The following MALRD1 variants were observed in gnomAD, a reference collection of about 807,000 sequenced individuals.
MALRD1 encodes MAM and LDL-receptor class A domain-containing protein 1.
MALRD1 carries 247 observed loss-of-function variants against 242.1 expected under a neutral mutation model. That is an observed-to-expected ratio of 1.02 (90% CI 0.92 to 1.13). MALRD1 has a LOEUF of 1.13. Among genes scored for constraint, MALRD1 ranks in the 50% most tolerant of loss-of-function variants. The probability of loss-of-function intolerance (pLI) is 0.00; values close to 1 mark genes in which losing one functional copy is unlikely to be tolerated. For synonymous variants in MALRD1, 995 were observed against 866.6 expected, an observed-to-expected ratio of 1.15 and a Z score of -2.60; for missense variants, 2,989 against 2,533.1, an observed-to-expected ratio of 1.18 and a Z score of -3.86.
intron 27 of MALRD1, among the ~76,000 whole-genome samples, chr10:19,388,548 A>T (rs184065788): frequency 3.3e-5 from 5 of 152,286 alleles, no homozygotes; most frequent in Non-Finnish European, 5.9e-5. Flanking sequence ...GAGATGATAA[A>T]ATTTGACCTG....
At position 19,438,434 on chromosome 10, in the gene MALRD1, A is replaced by G. The variant is rs189529580; in HGVS notation, c.4846-11873A>G. Reference sequence around the variant, plus strand: ...ATGGATACACATGTAGATTGCTTCCATATTTTGCTATTGCAAATAATGTTG... The same window carrying G: ...ATGGATACACATGTAGATTGCTTCCGTATTTTGCTATTGCAAATAATGTTG... On this transcript the variant is annotated intron_variant, in intron 28 of 39. Coordinates refer to ENST00000454679, the MANE Select transcript of MALRD1 (RefSeq NM_001142308.3). 7.0e-4 allele frequency among the ~76,000 whole-genome samples: 106 copies of G among 152,312 alleles called. 1 individual carries two copies. In the Middle Eastern group the frequency reaches 0.02, roughly 29 times the overall value.
chr10:19,204,330 G>A lies in MALRD1; in HGVS notation c.2127G>A (p.Lys709=). The A allele has an allele frequency of 6.8e-7, 1 of 1,480,274 alleles. No individual in the cohort carries two copies. 91.7% of individuals were successfully genotyped at this position (1,480,274 alleles called of 1,614,324 possible). A position where few individuals can be genotyped will look rare whatever the true frequency, so the allele number is the denominator to read the frequency against. The change falls in exon 16 of 40, where the codon AAG becomes AAA. Residue 709 remains lysine, a synonymous_variant. Coordinates refer to ENST00000454679, the MANE Select transcript of MALRD1 (RefSeq NM_001142308.3). ...CAGGGCATTTTATGTTCATTCTGAA[G>A]AAAAGCAGCAGCTTGTGGCAAGTTG... ...ASQGHFMFIL[K]KSSSLWQVAK...
chr10:19,292,131 T>C (rs1043065163), intron 21 of MALRD1, among the ~76,000 whole-genome samples: 2 of 150,968 alleles, frequency 1.3e-5, no homozygotes, highest in African/African-American at 2.4e-5. Flanking sequence ...AAGGAACTAT[T>C]ATAATTGTAA....
chr10:19,710,153 C>T (rs1834042137), intron 38 of MALRD1, among the ~76,000 whole-genome samples: 1 of 152,080 alleles, frequency 6.6e-6, no homozygotes, highest in African/African-American at 2.4e-5. Flanking sequence ...CTCAGTCATT[C>T]CAATATTGCC....
At chr10:19,184,733 A>G (rs1436961771) in intron 14 of MALRD1, among the ~76,000 whole-genome samples, 1 of 152,082 alleles carries the variant, frequency 6.6e-6, no homozygotes, top group African/African-American at 2.4e-5. Flanking sequence ...TTTTTAGTGG[A>G]GATGGGGTTT....
chr10:19,457,570 G>C (rs1000909270), intron 29 of MALRD1, among the ~76,000 whole-genome samples: 7 of 151,878 alleles, frequency 4.6e-5, no homozygotes, highest in African/African-American at 1.5e-4. Context: ...AGGATGTTCT[G>C]TTTCTAAAAG....
At chr10:19,661,919 A>G (rs1468950842) in intron 36 of MALRD1, among the ~76,000 whole-genome samples, 1 of 152,198 alleles carries the variant, frequency 6.6e-6, no homozygotes, top group East Asian at 1.9e-4. Flanking sequence ...CATCTATTAA[A>G]CACCATGGCT....
At chr10:19,339,016 A>C (rs1409253545) in intron 24 of MALRD1, among the ~76,000 whole-genome samples, 1 of 151,134 alleles carries the variant, frequency 6.6e-6, no homozygotes, top group African/African-American at 2.4e-5. Flanking sequence ...AAGTCCTACT[A>C]TTAGCACGTC....
intron 29 of MALRD1, among the ~76,000 whole-genome samples, chr10:19,459,631 T>G (rs7069355): frequency 0.35 from 53,532 of 151,840 alleles, 9,497 homozygotes; most frequent in East Asian, 0.46. Context: ...AAGCCATGGA[T>G]GAATCTAATT....
chr10:19,292,249 C>T (rs536294758), intron 21 of MALRD1, among the ~76,000 whole-genome samples: 1 of 151,970 alleles, frequency 6.6e-6, no homozygotes, highest in South Asian at 2.1e-4. Flanking sequence ...TTTTTTCTGT[C>T]GTTTTTGCAT....
chr10:19,301,640 T>G (rs894652183), intron 21 of MALRD1, among the ~76,000 whole-genome samples: 3 of 151,706 alleles, frequency 2.0e-5, no homozygotes, highest in African/African-American at 7.3e-5. Flanking sequence ...TATATTCTTC[T>G]TCAGAAGTGG....
chr10:19,113,629 T>C (rs1406362785), intron 5 of MALRD1, among the ~76,000 whole-genome samples: 4 of 151,986 alleles, frequency 2.6e-5, no homozygotes, highest in South Asian at 4.2e-4. Context: ...GCCTTCTTTG[T>C]TCCTTCCTTT....
At chr10:19,562,113 T>C (rs1410438270) in intron 32 of MALRD1, among the ~76,000 whole-genome samples, 3 of 152,124 alleles carry the variant, frequency 2.0e-5, no homozygotes, top group Admixed American at 6.5e-5. Context: ...CTGGCCAAGA[T>C]GGTGAAACCC....
chr10:19,630,355 T>C (rs910403932), intron 36 of MALRD1, among the ~76,000 whole-genome samples: 7 of 152,166 alleles, frequency 4.6e-5, no homozygotes, highest in African/African-American at 1.7e-4. Context: ...TAATATCACT[T>C]CATAGTAAGT....
intron 8 of MALRD1, among the ~76,000 whole-genome samples, chr10:19,128,910 C>A (rs1015611167): frequency 4.6e-5 from 7 of 152,064 alleles, no homozygotes; most frequent in Admixed American, 3.3e-4. Context: ...AAGTGTAAAG[C>A]TGGGTGAGTA....
At chr10:19,705,084 C>T (rs901103733) in intron 38 of MALRD1, among the ~76,000 whole-genome samples, 1 of 152,108 alleles carries the variant, frequency 6.6e-6, no homozygotes, top group Non-Finnish European at 1.5e-5. Flanking sequence ...TTGGCCCTGG[C>T]CCCAAATGAA....
intron 33 of MALRD1, among the ~76,000 whole-genome samples, chr10:19,580,665 T>G (rs1837072471): frequency 6.6e-6 from 1 of 152,202 alleles, no homozygotes; most frequent in Non-Finnish European, 1.5e-5. Context: ...CCCTCTTATG[T>G]TAATTTTATT....
chr10:19,509,173 A>G (rs941903350), intron 31 of MALRD1, among the ~76,000 whole-genome samples: 5 of 152,206 alleles, frequency 3.3e-5, no homozygotes, highest in Non-Finnish European at 5.9e-5. Context: ...CGTTTAGCAG[A>G]GTTTATTTGC....
intron 36 of MALRD1, among the ~76,000 whole-genome samples, chr10:19,621,710 T>A (rs1839410426): frequency 6.6e-6 from 1 of 151,810 alleles, no homozygotes; most frequent in African/African-American, 2.4e-5. Context: ...GAGACCTGAA[T>A]TTACATACTG....
Sources: allele counts gnomAD v4.1 joint callset (sites outside exome capture counted in the v4.1 genomes callset), GRCh38; gene constraint gnomAD v4.1.1; transcripts MANE v1.5; gene names NCBI Gene and HGNC (gene_info 2026-07-23, HGNC 2026-07-21).